Variants in PRSS23 observed in about 807,000 individuals in gnomAD.
PRSS23 encodes the protein serine protease 23.
A neutral mutation model predicts 34.7 loss-of-function variants in PRSS23; 25 were observed. The observed-to-expected ratio is 0.72, with a 90% CI of 0.53 to 1.01. The LOEUF is 1.01. Among genes scored for constraint, PRSS23 ranks in the 50% least tolerant of loss-of-function variants. PRSS23 has a pLI of 0.00. For synonymous variants in PRSS23, 176 were observed against 186.6 expected (o/e 0.94, Z 0.46); for missense variants, 445 against 475.6 (o/e 0.94, Z 0.60).
intron 2 of PRSS23, among the ~76,000 whole-genome samples, chr11:86,854,580 C>T (rs1406506374): frequency 6.6e-6 from 1 of 152,154 alleles, no homozygotes; most frequent in Non-Finnish European, 1.5e-5. Context: ...TCCCAGAAAG[C>T]ATTGTCCACT....
intron 2 of PRSS23, among the ~76,000 whole-genome samples, chr11:86,932,078 T>C (rs1328369056): frequency 6.6e-6 from 1 of 152,102 alleles, no homozygotes; most frequent in East Asian, 1.9e-4. Flanking sequence ...ACTTCCAAAA[T>C]TGCCCCCGAG....
intron 1 of PRSS23, among the ~76,000 whole-genome samples, chr11:86,802,284 G>A (rs190618018): frequency 2.0e-5 from 3 of 152,262 alleles, no homozygotes; most frequent in East Asian, 3.9e-4. Flanking sequence ...CCTGAAATCC[G>A]ATAGAGAAGA....
chr11:86,898,005 T>C (rs1399285359), intron 2 of PRSS23, among the ~76,000 whole-genome samples: 6 of 152,200 alleles, frequency 3.9e-5, no homozygotes, highest in Admixed American at 3.3e-4. Flanking sequence ...AATCAGATGC[T>C]AGTAAGTGCT....
chr11:86,831,103 A>G (rs1948351795), intron 2 of PRSS23, among the ~76,000 whole-genome samples: 1 of 152,078 alleles, frequency 6.6e-6, no homozygotes, highest in African/African-American at 2.4e-5. Context: ...GGCGGATGTT[A>G]TTCCTAATGT....
At chr11:86,832,615 C>T in intron 2 of PRSS23, 1 of 494,282 alleles carries the variant, frequency 2.0e-6, no homozygotes, top group Non-Finnish European at 4.0e-6. Context: ...TGGGGGTGAT[C>T]ACCGTGTACA....
At chr11:86,883,998 T>G (rs1280675621) in intron 2 of PRSS23, among the ~76,000 whole-genome samples, 1 of 152,226 alleles carries the variant, frequency 6.6e-6, no homozygotes, top group Admixed American at 6.5e-5. Context: ...CTTTATGATA[T>G]GCACCATTAT....
chr11:86,893,664 T>C (rs948290859), intron 2 of PRSS23, among the ~76,000 whole-genome samples: 3 of 152,220 alleles, frequency 2.0e-5, no homozygotes, highest in East Asian at 1.9e-4. Flanking sequence ...GATATAGATA[T>C]ATACATGCAT....
intron 1 of PRSS23, chr11:86,821,802 C>T: frequency 1.2e-6 from 1 of 800,928 alleles, no homozygotes; most frequent in East Asian, 2.6e-5. Context: ...ACGCTGCCCC[C>T]TCCGCCATGA....
chr11:86,923,698 C>T (rs1190279824), intron 2 of PRSS23, among the ~76,000 whole-genome samples: 2 of 152,166 alleles, frequency 1.3e-5, no homozygotes, highest in Non-Finnish European at 2.9e-5. Context: ...CACTTTTGTA[C>T]ACACTGTTAT....
At chr11:86,854,314 A>C (rs1284922316) in intron 2 of PRSS23, among the ~76,000 whole-genome samples, 1 of 152,098 alleles carries the variant, frequency 6.6e-6, no homozygotes, top group African/African-American at 2.4e-5. Flanking sequence ...TATCTTCTTT[A>C]GGGACATGTC....
At chr11:86,873,248 A>ACACATATATGTG (rs1555077249) in intron 2 of PRSS23, among the ~76,000 whole-genome samples, 2 of 53,406 alleles carry the variant, frequency 3.7e-5, no homozygotes, top group East Asian at 7.7e-4. Context: ...ACACACACAC[A>ACACATATATGTG]TATATATGTA....
At position 86,939,426 on chromosome 11, in the gene PRSS23, A is replaced by ATATATATATT; in HGVS notation, c.207-11789_207-11788insATATATATTT. On this transcript the variant is annotated intron_variant, in intron 2 of 2. Coordinates refer to the PRSS23 transcript ENST00000533902. ...AAAATATATATATATATATATATAT[A>ATATATATATT]TTTTTTAACATGAGTAAAAATTGCA... Among the ~76,000 whole-genome samples, 445 of 93,476 alleles carry ATATATATATT rather than the reference A, an allele frequency of 4.8e-3. 11 individuals carry two copies. The highest frequency in any genetic ancestry group is 8.5e-3 in the Non-Finnish European group (362 of 42,708). The allele number at this position is 93,476 out of a possible 152,430, so 61.3% of individuals were successfully genotyped here.
chr11:86,833,977 T>A (rs554188080), intron 2 of PRSS23, among the ~76,000 whole-genome samples: 12 of 152,348 alleles, frequency 7.9e-5, no homozygotes, highest in Admixed American at 4.6e-4. Flanking sequence ...AGCAGGCCGG[T>A]CCAGGGGTCC....
At chr11:86,798,212 T>C (rs1947993983), upstream of PRSS23, among the ~76,000 whole-genome samples, 1 of 152,216 alleles carries the variant, frequency 6.6e-6, no homozygotes, top group Non-Finnish European at 1.5e-5. Flanking sequence ...CTCAATTTAA[T>C]CTTTAAAATT....
chr11:86,810,867 A>G lies in PRSS23; in HGVS notation c.*2072A>G, dbSNP rs1375952280. On this transcript the variant is annotated 3_prime_UTR_variant, in exon 2 of 2. Transcript: ENST00000280258. ...TCAACATGTCCATCTTTTTAGTGAT[A>G]ATAAAAGAAAGCATGGTATTAAACT... 1 of 167,092 alleles carries G rather than the reference A, an allele frequency of 6.0e-6. No homozygotes were observed. Among genetic ancestry groups the G allele is most frequent in the Non-Finnish European group, 1.5e-5 (1 of 68,132 alleles). The allele number at this position is 167,092 out of a possible 1,614,324, so 10.4% of individuals were successfully genotyped here. A position where few individuals can be genotyped will look rare whatever the true frequency, so the allele number is the denominator to read the frequency against.
At chr11:86,879,811 G>C (rs1948759429) in intron 2 of PRSS23, among the ~76,000 whole-genome samples, 1 of 100,712 alleles carries the variant, frequency 9.9e-6, no homozygotes, top group African/African-American at 4.1e-5. Context: ...GCCCCGTCCG[G>C]GAGGGAGGTG....
intron 2 of PRSS23, among the ~76,000 whole-genome samples, chr11:86,864,159 TG>T (rs1358431172): frequency 6.6e-6 from 1 of 152,212 alleles, no homozygotes; most frequent in Non-Finnish European, 1.5e-5. Flanking sequence ...AGAATGGCCT[TG>T]AGATGTGACT....
intron 2 of PRSS23, among the ~76,000 whole-genome samples, chr11:86,927,005 C>CAGAT (rs931964134): frequency 2.6e-5 from 4 of 152,148 alleles, no homozygotes; most frequent in African/African-American, 9.7e-5. Flanking sequence ...AACATGTAGT[C>CAGAT]AGATAGGGTT....
intron 2 of PRSS23, among the ~76,000 whole-genome samples, chr11:86,870,531 G>T (rs1277798817): frequency 6.6e-6 from 1 of 152,118 alleles, no homozygotes; most frequent in Non-Finnish European, 1.5e-5. Flanking sequence ...TGCTTAGATG[G>T]TAACATTTAC....
Sources: gnomAD v4.1 joint callset for allele counts (sites outside exome capture counted in the v4.1 genomes callset) on GRCh38, gnomAD v4.1.1 for gene constraint, MANE v1.5 for transcripts, NCBI Gene and HGNC (gene_info 2026-07-23, HGNC 2026-07-21) for gene names.